Variants in SEC14L5 observed in about 807,000 individuals in gnomAD.
SEC14L5 encodes the protein SEC14 like lipid binding 5, also known as SEC14-like protein 5.
SEC14L5 carries 96 observed loss-of-function variants against 84.6 expected under a neutral mutation model. That is an observed-to-expected ratio of 1.13 (90% CI 0.96 to 1.34). The LOEUF (loss-of-function observed/expected upper bound fraction) is 1.34. Among genes scored for constraint, SEC14L5 ranks in the 40% most tolerant of loss-of-function variants. The pLI, the probability that SEC14L5 is intolerant of heterozygous loss-of-function variation, is 0.00. For synonymous variants in SEC14L5, 546 were observed against 383.4 expected (o/e 1.42, Z -4.95); for missense variants, 1,224 against 942.5 (o/e 1.30, Z -3.91).
chr16:4,976,645 C>T (rs1955344017), intron 2 of SEC14L5, among the ~76,000 whole-genome samples: 1 of 152,172 alleles, frequency 6.6e-6, no homozygotes, highest in Non-Finnish European at 1.5e-5. Flanking sequence ...ATGGATTTTC[C>T]AGGATGGGGA....
chr16:5,010,364 A>AG (rs1476565206), intron 14 of SEC14L5, among the ~76,000 whole-genome samples: 1 of 151,256 alleles, frequency 6.6e-6, no homozygotes, highest in Non-Finnish European at 1.5e-5. Context: ...ACTCCGTCTC[A>AG]GAAAAAAAAA....
At chr16:4,988,081 C>T (rs1650694473) in intron 3 of SEC14L5, 68 bp from the exon 4 acceptor site, 2 of 1,567,866 alleles carry the variant, frequency 1.3e-6, no homozygotes, top group African/African-American at 1.3e-5. Flanking sequence ...GCCCGCCGGA[C>T]TCGCTCTCCA....
Position 5,014,893 on chromosome 16 carries a change from G to A in SEC14L5, c.2014G>A (p.Gly672Ser), listed in dbSNP as rs1012583551. Reference protein sequence around the residue: ...SMSSLESCTSGFSQLSAATSS... With the variant: ...SMSSLESCTSSFSQLSAATSS... The stretch of plus-strand genomic sequence containing the variant: ...GTCCAGCCTGGAATCCTGCACCAGC[G>A]GCTTCTCCCAGCTCAGCGCCGCCAC... Residue 672 changes from glycine (G) to serine (S), a missense_variant, in exon 16 of 16, where the codon GGC becomes AGC. Physicochemically the swap from Gly to Ser is moderately conservative, Grantham distance 56. Transcript: ENST00000251170. 1.9e-6 allele frequency: 3 copies of A among 1,613,658 alleles called. No homozygotes were observed. The highest frequency in any genetic ancestry group is 1.7e-6 in the Non-Finnish European group (2 of 1,179,874).
At chr16:5,012,184 C>G (rs1298421358) in intron 15 of SEC14L5, among the ~76,000 whole-genome samples, 2 of 152,078 alleles carry the variant, frequency 1.3e-5, no homozygotes, top group Non-Finnish European at 2.9e-5. Flanking sequence ...GCGATTCACT[C>G]TTTGTGAAGC....
At chr16:4,985,780 A>G (rs922760895) in intron 2 of SEC14L5, among the ~76,000 whole-genome samples, 1 of 150,314 alleles carries the variant, frequency 6.7e-6, no homozygotes, top group Non-Finnish European at 1.5e-5. Flanking sequence ...ATTTATATAC[A>G]TACTATCTAT....
intron 6 of SEC14L5, among the ~76,000 whole-genome samples, chr16:4,995,607 A>G (rs1001097868): frequency 6.8e-6 from 1 of 146,092 alleles, no homozygotes; most frequent in Non-Finnish European, 1.5e-5. Flanking sequence ...CCTCAGTTTT[A>G]TCTTCTCTCT....
chr16:4,991,947 C>T lies in SEC14L5; in HGVS notation c.584C>T (p.Ala195Val). The stretch of plus-strand genomic sequence containing the variant: ...CGTGAGGAGGATGCCCGCAACCAGG[C>T]TGGACCGAGGGACCCCAGCTCCCTG... ...PVREEDARNQAGPRDPSSLEA... is the reference protein window; with the variant it reads ...PVREEDARNQVGPRDPSSLEA... Residue 195 changes from alanine to valine, a missense_variant, in exon 6 of 16, where the codon GCT (alanine) becomes GTT (valine). Ala to Val is a moderately conservative substitution (Grantham distance 64). Transcript: ENST00000251170. 6.3e-7 allele frequency: 1 copy of T among 1,599,588 alleles called. No individual in the cohort carries two copies. The highest frequency in any genetic ancestry group is 1.1e-5 in the South Asian group (1 of 89,396).
At position 5,016,989 on chromosome 16, in the gene SEC14L5, C is replaced by T. The variant is rs1405112137; in HGVS notation, c.*2019C>T. 1 of 152,242 alleles carries T rather than the reference C, an allele frequency of 6.6e-6. No individual in the cohort carries two copies. The highest frequency in any genetic ancestry group is 1.5e-5 in the Non-Finnish European group (1 of 68,038). 9.4% of individuals were successfully genotyped at this position (152,242 alleles called of 1,614,324 possible). On this transcript the variant is annotated 3_prime_UTR_variant, in exon 16 of 16. Transcript: ENST00000251170. ...CTCCCATATCACCAGGCATTTATTG[C>T]TGAGAGCAACTTGCAATATTTTCAA... is the stretch of plus-strand genomic sequence containing the variant.
chr16:5,001,666 C>G (rs1955679659), intron 10 of SEC14L5, among the ~76,000 whole-genome samples: 1 of 152,176 alleles, frequency 6.6e-6, no homozygotes, highest in Non-Finnish European at 1.5e-5. Context: ...TCCTCTGACT[C>G]CCCCGCATTT....
intron 2 of SEC14L5, among the ~76,000 whole-genome samples, chr16:4,974,932 C>A (rs1955322779): frequency 3.3e-5 from 5 of 151,990 alleles, no homozygotes; most frequent in Admixed American, 2.6e-4. Context: ...TGTGTGCCAC[C>A]ATGCCTGGCT....
At position 4,959,048 on chromosome 16, in the gene SEC14L5, G is replaced by A. The variant is rs142513135; in HGVS notation, c.-51-225G>A. Among the ~76,000 whole-genome samples the A allele has an allele frequency of 1.4e-3, 214 of 151,684 alleles. 1 individual carries two copies. The highest frequency in any genetic ancestry group is 4.8e-3 in the African/African-American group (199 of 41,340). On this transcript the variant is annotated intron_variant, in intron 1 of 15. Transcript: ENST00000251170. Reference sequence around the variant, plus strand: ...GGTGGGGGTAGAGGAAAGTTTGGGGGTGCTGACTGCTCTTGGAAGGCTGAG... The same window carrying A: ...GGTGGGGGTAGAGGAAAGTTTGGGGATGCTGACTGCTCTTGGAAGGCTGAG...
intron 2 of SEC14L5, among the ~76,000 whole-genome samples, chr16:4,983,545 T>C (rs1242697336): frequency 6.7e-6 from 1 of 150,118 alleles, no homozygotes; most frequent in Non-Finnish European, 1.5e-5. Context: ...TATATTAACA[T>C]ATATTCATAT....
chr16:4,996,996 G>T lies in SEC14L5; in HGVS notation c.922G>T (p.Ala308Ser). The T allele has an allele frequency of 3.1e-6, 5 of 1,613,330 alleles. No individual in the cohort carries two copies. Among genetic ancestry groups the T allele is most frequent in the Non-Finnish European group, 4.2e-6 (5 of 1,179,620 alleles). Residue 308 changes from alanine (A) to serine (S), a missense_variant, in exon 8 of 16, where the codon GCC becomes TCC. Transcript: ENST00000251170. Reference protein sequence around the residue: ...DLLLQTWQPPALLEEFYAGGW... With the variant: ...DLLLQTWQPPSLLEEFYAGGW... ...CCTCCTTCAGACCTGGCAACCCCCT[G>T]CCCTGCTGGAGGAGTTCTATGCAGG...
chr16:4,989,306 T>TG (rs989968201), intron 4 of SEC14L5, among the ~76,000 whole-genome samples: 72 of 148,454 alleles, frequency 4.8e-4, no homozygotes, highest in South Asian at 6.5e-4. Context: ...GTGTTTTTTT[T>TG]TTTGTTTGTT....
intron 8 of SEC14L5, among the ~76,000 whole-genome samples, chr16:4,998,189 A>T (rs1256099907): frequency 6.6e-6 from 1 of 151,438 alleles, no homozygotes; most frequent in Non-Finnish European, 1.5e-5. Context: ...TACTTTTAGT[A>T]GAGATGGGGT....
intron 2 of SEC14L5, among the ~76,000 whole-genome samples, chr16:4,983,446 CTA>C (rs1469298864): frequency 6.9e-6 from 1 of 145,516 alleles, no homozygotes; most frequent in Admixed American, 6.9e-5. Context: ...TATATTCTAT[CTA>C]TGTTTATAAA....
rs574878512 is a variant in SEC14L5 at position 4,966,003 on chromosome 16, C to T, written c.63+6617C>T. ...GCTGCAGTGAGCTGTGATGTTGCTA[C>T]TGCAGTCCACCCTGGGCAACAGAGT... On this transcript the variant is annotated intron_variant, in intron 2 of 15. Transcript: ENST00000251170. 2.6e-5 allele frequency among the ~76,000 whole-genome samples: 4 copies of T among 152,204 alleles called. No homozygotes were observed. The East Asian group carries it at 7.7e-4, about 29-fold the overall frequency.
chr16:5,015,046 C>T lies in SEC14L5; in HGVS notation c.*76C>T, dbSNP rs949926067. The T allele has an allele frequency of 1.7e-6, 2 of 1,196,184 alleles. No homozygotes were observed. The highest frequency in any genetic ancestry group is 2.4e-6 in the Non-Finnish European group (2 of 825,648). The allele number at this position is 1,196,184 out of a possible 1,614,324, so 74.1% of individuals were successfully genotyped here. A position where few individuals can be genotyped will look rare whatever the true frequency, so the allele number is the denominator to read the frequency against. On this transcript the variant is annotated 3_prime_UTR_variant, in exon 16 of 16. Transcript: ENST00000251170. ...TCCAGAATGAGAAGCCAGCTAACTG[C>T]AGGGCCTGGGACCATGTGGGCTGGA...
chr16:5,008,328 A>G (rs1399031599), intron 13 of SEC14L5, 93 bp from the exon 14 acceptor site: 1 of 878,286 alleles, frequency 1.1e-6, no homozygotes, highest in Non-Finnish European at 1.8e-6. Flanking sequence ...AGGAGACCCC[A>G]GGGGGCACCC....
Sources: allele counts gnomAD v4.1 joint callset (sites outside exome capture counted in the v4.1 genomes callset), GRCh38; gene constraint gnomAD v4.1.1; transcripts MANE v1.5; gene names NCBI Gene and HGNC (gene_info 2026-07-23, HGNC 2026-07-21).